Variants in TCF7L2 observed in about 807,000 individuals in gnomAD.
TCF7L2 encodes transcription factor 7 like 2, also known as transcription factor 7-like 2.
TCF7L2 carries 23 observed loss-of-function variants against 77.9 expected under a neutral mutation model. That is an observed-to-expected ratio of 0.30 (90% CI 0.21 to 0.42). TCF7L2 has a LOEUF of 0.42. Ranked by LOEUF, TCF7L2 falls within the 10% of genes least tolerant of loss-of-function variation. The probability of loss-of-function intolerance (pLI) is 1.00; values close to 1 mark genes in which losing one functional copy is unlikely to be tolerated. For missense variants in TCF7L2, 654 were observed against 793.1 expected (o/e 0.82, Z 2.11); for synonymous variants, 413 against 340.2 (o/e 1.21, Z -2.36).
intron 5 of TCF7L2, among the ~76,000 whole-genome samples, chr10:113,059,122 C>A (rs973373327): frequency 6.6e-6 from 1 of 152,088 alleles, no homozygotes; most frequent in Non-Finnish European, 1.5e-5. Context: ...GCAGTGGCAT[C>A]GGTTGGGAGG....
chr10:113,140,694 CG>C (rs987850295), intron 5 of TCF7L2, among the ~76,000 whole-genome samples: 7 of 152,070 alleles, frequency 4.6e-5, no homozygotes, highest in African/African-American at 1.4e-4. Flanking sequence ...TAGGAGCTGT[CG>C]GGGGGTGGCT....
At chr10:113,137,853 G>C (rs772883819) in intron 5 of TCF7L2, among the ~76,000 whole-genome samples, 1 of 152,338 alleles carries the variant, frequency 6.6e-6, no homozygotes, top group East Asian at 1.9e-4. Context: ...CATAGTCCTT[G>C]TCCCTAAGGG....
At chr10:113,118,241 C>G (rs2064150137) in intron 5 of TCF7L2, among the ~76,000 whole-genome samples, 3 of 152,040 alleles carry the variant, frequency 2.0e-5, no homozygotes, top group African/African-American at 7.3e-5. Context: ...AGGTGAAGCA[C>G]ATTGGGCAGA....
In TCF7L2 at chr10:112,951,521, C is replaced by T; in HGVS notation, c.295C>T (p.Pro99Ser). ...AGATGGAGGGCTCTTTAAGGGGCCA[C>T]CGTATCCCGGCTACCCCTTCATCAT... is the stretch of plus-strand genomic sequence containing the variant. Residue 99 changes from proline (P) to serine (S), a missense_variant, in exon 3 of 14, where the codon CCG becomes TCG. Physicochemically the swap from Pro to Ser is moderately conservative, Grantham distance 74 (BLOSUM62 -1). This residue lies in a region of TCF7L2 where 132 missense variants were observed against 123.7 expected (regional missense o/e 1.07). Transcript: ENST00000627217. The T allele has an allele frequency of 7.0e-7, 1 of 1,431,140 alleles. No homozygotes were observed. Among genetic ancestry groups the T allele is most frequent in the Non-Finnish European group, 9.4e-7 (1 of 1,069,452 alleles). 88.7% of individuals were successfully genotyped at this position (1,431,140 alleles called of 1,614,324 possible).
Position 112,970,166 on chromosome 10 carries a change from TTG to T in TCF7L2, c.450+5561_450+5562del, listed in dbSNP as rs61281206. ...TTATTCTTTTTAGATTTGAAGTGGT[TTG>T]TGTGTGTGTGTGTGTGTGCATGTGC... On this transcript the variant is annotated intron_variant, in intron 4 of 13. Coordinates refer to ENST00000627217, the MANE Select transcript of TCF7L2 (RefSeq NM_001146274.2). Among the ~76,000 whole-genome samples, 1,325 of 150,206 alleles carry T rather than the reference TTG, an allele frequency of 8.8e-3. 10 individuals carry two copies. Among genetic ancestry groups the T allele is most frequent in the Non-Finnish European group, 0.012 (782 of 67,464 alleles).
chr10:113,027,039 A>G lies in TCF7L2; in HGVS notation c.451-12986A>G, dbSNP rs1278758882. Among the ~76,000 whole-genome samples the G allele has an allele frequency of 2.6e-5, 4 of 152,358 alleles. No individual in the cohort carries two copies. The East Asian group carries it at 7.7e-4, about 29-fold the overall frequency. On this transcript the variant is annotated intron_variant, in intron 4 of 13. Transcript: ENST00000627217. ...TTAGAGAGGCATAGTGGCTGGGTCC[A>G]GAGAAGGGAGAGTGGTCAGCCCTGG...
chr10:113,024,365 A>G (rs2048760435), intron 4 of TCF7L2, among the ~76,000 whole-genome samples: 1 of 152,138 alleles, frequency 6.6e-6, no homozygotes, highest in South Asian at 2.1e-4. Context: ...TTGCTTATGG[A>G]CATAAACCCT....
intron 4 of TCF7L2, among the ~76,000 whole-genome samples, chr10:113,003,459 C>T (rs757294184): frequency 7.2e-5 from 11 of 152,190 alleles, no homozygotes; most frequent in African/African-American, 1.4e-4. Flanking sequence ...GCTTGGATCC[C>T]TCCCACTTTT....
At chr10:112,966,184 T>TTATATTTATATATATATA (rs1554876897) in intron 4 of TCF7L2, among the ~76,000 whole-genome samples, 6 of 114,278 alleles carry the variant, frequency 5.3e-5, no homozygotes, top group African/African-American at 2.4e-4. Flanking sequence ...TAAAATATAT[T>TTATATTTATATATATATA]TATATATATA....
At chr10:113,034,427 G>A (rs1196422592) in intron 4 of TCF7L2, among the ~76,000 whole-genome samples, 2 of 152,158 alleles carry the variant, frequency 1.3e-5, no homozygotes, top group African/African-American at 2.4e-5. Context: ...ACCTTGATGC[G>A]GAGGAGGCTT....
At chr10:113,117,341 G>A (rs28542785) in intron 5 of TCF7L2, among the ~76,000 whole-genome samples, 5,849 of 141,410 alleles carry the variant, frequency 0.041, 200 homozygotes, top group African/African-American at 0.089. Context: ...CCTGAAATAT[G>A]TTGCTACCTT....
chr10:113,118,717 A>G (rs1591944525), intron 5 of TCF7L2, among the ~76,000 whole-genome samples: 1 of 134,228 alleles, frequency 7.5e-6, no homozygotes, highest in Non-Finnish European at 1.6e-5. Flanking sequence ...CTTGGTTGCT[A>G]TTTGATAGTA....
At chr10:113,101,719 T>C (rs1472994444) in intron 5 of TCF7L2, among the ~76,000 whole-genome samples, 1 of 151,712 alleles carries the variant, frequency 6.6e-6, no homozygotes, top group East Asian at 1.9e-4. Context: ...GGCGGCCGCC[T>C]GTAGTCCCAG....
intron 5 of TCF7L2, among the ~76,000 whole-genome samples, chr10:113,050,572 A>G (rs1373159339): frequency 6.6e-6 from 1 of 152,174 alleles, no homozygotes; most frequent in African/African-American, 2.4e-5. Flanking sequence ...GAAGGGGAAC[A>G]TGGCTGGGCA....
intron 5 of TCF7L2, among the ~76,000 whole-genome samples, chr10:113,091,099 G>A (rs1213509909): frequency 6.6e-6 from 1 of 151,988 alleles, no homozygotes; most frequent in Admixed American, 6.6e-5. Flanking sequence ...ACAGGGTTTT[G>A]CCATGTTGGT....
At chr10:113,145,975 G>A (rs759332985) in intron 7 of TCF7L2, 36 bp from the exon 8 acceptor site, 1 of 833,918 alleles carries the variant, frequency 1.2e-6, no homozygotes, top group Non-Finnish European at 1.8e-6. Flanking sequence ...CCCCACCCTT[G>A]TTTCAAGTCT....
intron 11 of TCF7L2, 52 bp from the exon 12 acceptor site, chr10:113,157,969 T>C: frequency 6.5e-7 from 1 of 1,547,666 alleles, no homozygotes; most frequent in Non-Finnish European, 8.8e-7. Context: ...CCAGACACTC[T>C]TCTCACATCT....
At chr10:113,165,301 T>C (rs185369120) in intron 13 of TCF7L2, among the ~76,000 whole-genome samples, 3 of 152,220 alleles carry the variant, frequency 2.0e-5, no homozygotes, top group African/African-American at 7.2e-5. Flanking sequence ...GGGTGTTTAG[T>C]AGGGGTTGGG....
Position 113,161,211 on chromosome 10 carries a change from G to T in TCF7L2, c.1391+520G>T, listed in dbSNP as rs2073112830. The T allele has an allele frequency of 1.3e-5, 4 of 303,132 alleles. No individual in the cohort carries two copies. In the Admixed American group the frequency reaches 1.9e-4, roughly 14 times the overall value. 18.8% of individuals were successfully genotyped at this position (303,132 alleles called of 1,614,324 possible). The stretch of plus-strand genomic sequence containing the variant: ...AAAAACCACATGTCTGTACGGAGGA[G>T]CTTGGTTAGCTGACATTGTTTTACA... On this transcript the variant is annotated intron_variant, in intron 13 of 13. Transcript: ENST00000627217.
Sources: allele counts gnomAD v4.1 joint callset (sites outside exome capture counted in the v4.1 genomes callset), GRCh38; gene constraint gnomAD v4.1.1; regional missense constraint gnomAD v4.1.1; transcripts MANE v1.5; gene names NCBI Gene and HGNC (gene_info 2026-07-23, HGNC 2026-07-21).